The following NTRK3 variants were observed in gnomAD, a reference collection of about 807,000 sequenced individuals.
The protein encoded by NTRK3 is neurotrophic receptor tyrosine kinase 3, also known as NT-3 growth factor receptor.
NTRK3 carries 24 observed loss-of-function variants against 91.7 expected under a neutral mutation model. The ratio of observed to expected loss-of-function variants is 0.26; its 90% CI spans 0.19 to 0.37. NTRK3 has a LOEUF of 0.37. Ranked by LOEUF, NTRK3 falls within the 10% of genes least tolerant of loss-of-function variation. The pLI, the probability that NTRK3 is intolerant of heterozygous loss-of-function variation, is 1.00. For missense variants in NTRK3, 880 were observed against 1,068.9 expected (o/e 0.82, Z 2.46); for synonymous variants, 483 against 404.0 (o/e 1.20, Z -2.34).
chr15:87,947,429 C>A (rs569874458), intron 14 of NTRK3, among the ~76,000 whole-genome samples: 2 of 152,170 alleles, frequency 1.3e-5, no homozygotes, highest in Non-Finnish European at 2.9e-5. Context: ...TTGGTAGAAA[C>A]CAATAACATC....
chr15:88,145,830 T>G (rs1486950578), intron 6 of NTRK3, among the ~76,000 whole-genome samples: 1 of 145,016 alleles, frequency 6.9e-6, no homozygotes, highest in Non-Finnish European at 1.5e-5. Context: ...TAGGGTAACT[T>G]AAGAAAGACC....
At chr15:88,111,958 G>A (rs1240528141) in intron 13 of NTRK3, among the ~76,000 whole-genome samples, 2 of 150,694 alleles carry the variant, frequency 1.3e-5, no homozygotes, top group Non-Finnish European at 2.9e-5. Context: ...CCAGGCTGGA[G>A]TGCAGTGGCA....
At chr15:88,066,625 C>A (rs2046672638) in intron 13 of NTRK3, among the ~76,000 whole-genome samples, 1 of 152,188 alleles carries the variant, frequency 6.6e-6, no homozygotes, top group African/African-American at 2.4e-5. Flanking sequence ...GGGAGAAGCA[C>A]ATATGAGTGA....
intron 17 of NTRK3, among the ~76,000 whole-genome samples, chr15:87,887,477 C>T (rs1198781935): frequency 6.6e-6 from 1 of 152,148 alleles, no homozygotes; most frequent in African/African-American, 2.4e-5. Context: ...TATGTAAAAA[C>T]CCATTGAGCA....
chr15:88,130,398 T>A (rs149503648), intron 10 of NTRK3, among the ~76,000 whole-genome samples: 1 of 151,916 alleles, frequency 6.6e-6, no homozygotes, highest in South Asian at 2.1e-4. Flanking sequence ...TCAATGAATG[T>A]TAGAGTGTGA....
intron 13 of NTRK3, among the ~76,000 whole-genome samples, chr15:88,106,095 G>C (rs1216338269): frequency 1.3e-5 from 2 of 152,198 alleles, no homozygotes; most frequent in African/African-American, 2.4e-5. Context: ...TATTTTCATT[G>C]GTCCATTCCG....
At chr15:88,060,383 CAAAAAA>C (rs11289394) in intron 13 of NTRK3, among the ~76,000 whole-genome samples, 1 of 86,324 alleles carries the variant, frequency 1.2e-5, no homozygotes. Flanking sequence ...GACTCCATCT[CAAAAAA>C]AAAAAAAAAA....
intron 11 of NTRK3, 131 bp downstream of exon 11, chr15:88,128,580 G>T (rs2053521327): frequency 2.1e-6 from 2 of 956,654 alleles, no homozygotes; most frequent in Non-Finnish European, 3.4e-6. Flanking sequence ...CCCTTTCACA[G>T]TTCACTCAGA....
chr15:87,908,460 CT>C (rs2066900277), intron 17 of NTRK3: 1 of 400,000 alleles, frequency 2.5e-6, no homozygotes, highest in Non-Finnish European at 4.4e-6. Flanking sequence ...GCCCAGCCCC[CT>C]GGCCCCAGAA....
Position 88,146,927 on chromosome 15 carries a change from T to A in NTRK3, c.464+408A>T, listed in dbSNP as rs564671325. Among the ~76,000 whole-genome samples the A allele has an allele frequency of 3.3e-5, 5 of 152,314 alleles. No individual in the cohort carries two copies. The South Asian group carries it at 1.0e-3, about 32-fold the overall frequency. On this transcript the variant is annotated intron_variant, in intron 6 of 18. Transcript: ENST00000394480. ...CTCACCCATAAAATGCAGAGAATAATAATATCTACCTCTTATGACTCTTAT... is the reference window on the plus strand; with the variant it reads ...CTCACCCATAAAATGCAGAGAATAAAAATATCTACCTCTTATGACTCTTAT...
At chr15:88,183,641 C>T in intron 4 of NTRK3, 152 bp from the exon 5 acceptor site, 1 of 795,124 alleles carries the variant, frequency 1.3e-6, no homozygotes, top group Non-Finnish European at 2.2e-6. Flanking sequence ...CACAGGTGGC[C>T]TGCTGGGGTT....
chr15:88,077,460 C>T (rs374952577), intron 13 of NTRK3, among the ~76,000 whole-genome samples: 39 of 152,104 alleles, frequency 2.6e-4, no homozygotes, highest in African/African-American at 8.2e-4. Flanking sequence ...GTTGTCTCCA[C>T]GCCTCCCCAT....
chr15:87,878,167 G>A (rs954053995), intron 18 of NTRK3, among the ~76,000 whole-genome samples: 2 of 152,164 alleles, frequency 1.3e-5, no homozygotes, highest in Non-Finnish European at 2.9e-5. Context: ...TTCAGTTTCT[G>A]CATTTAAAGA....
chr15:87,909,863 G>A (rs114340076), intron 17 of NTRK3, among the ~76,000 whole-genome samples: 2,339 of 152,302 alleles, frequency 0.015, 55 homozygotes, highest in African/African-American at 0.054. Flanking sequence ...AAGACAAAGA[G>A]CGAGGCCTCT....
At chr15:88,158,821 A>G (rs1165965036) in intron 5 of NTRK3, among the ~76,000 whole-genome samples, 1 of 152,136 alleles carries the variant, frequency 6.6e-6, no homozygotes, top group Non-Finnish European at 1.5e-5. Flanking sequence ...ACTACCCCAG[A>G]GAGGCGCCAG....
intron 13 of NTRK3, among the ~76,000 whole-genome samples, chr15:88,115,863 C>T (rs966465441): frequency 3.9e-5 from 6 of 152,044 alleles, no homozygotes; most frequent in Non-Finnish European, 8.8e-5. Context: ...GGGCTTCCTC[C>T]GCCCACCGAC....
At chr15:88,043,236 A>T (rs965132630) in intron 13 of NTRK3, among the ~76,000 whole-genome samples, 1 of 152,142 alleles carries the variant, frequency 6.6e-6, no homozygotes, top group African/African-American at 2.4e-5. Context: ...AGTATTTCAG[A>T]CCATCCCAGG....
intron 14 of NTRK3, among the ~76,000 whole-genome samples, chr15:87,955,954 C>A (rs13380271): frequency 6.6e-6 from 1 of 151,762 alleles, no homozygotes; most frequent in South Asian, 2.1e-4. Flanking sequence ...TGGAGCTCAT[C>A]GGTATAGAGA....
intron 13 of NTRK3, among the ~76,000 whole-genome samples, chr15:88,084,588 G>A (rs1035812912): frequency 6.6e-6 from 1 of 152,194 alleles, no homozygotes; most frequent in Non-Finnish European, 1.5e-5. Context: ...GAACTTGGAA[G>A]GTCCAAGCCA....
Sources: gnomAD v4.1 joint callset for allele counts (sites outside exome capture counted in the v4.1 genomes callset) on GRCh38, gnomAD v4.1.1 for gene constraint, MANE v1.5 for transcripts, NCBI Gene and HGNC (gene_info 2026-07-23, HGNC 2026-07-21) for gene names.